The following NAV3 variants were observed in gnomAD, a reference collection of about 807,000 sequenced individuals.
NAV3 encodes pore membrane and/or filament interacting like protein 1.
In NAV3, 87 loss-of-function variants were observed where a neutral mutation model predicts 244.7. The observed-to-expected ratio is 0.36, with a 90% CI of 0.30 to 0.42. The LOEUF (loss-of-function observed/expected upper bound fraction) is 0.42. Ranked by LOEUF, NAV3 falls within the 20% of genes least tolerant of loss-of-function variation. The pLI is 1.00. For synonymous variants in NAV3, 1,126 were observed against 1,042.2 expected, an observed-to-expected ratio of 1.08 and a Z score of -1.55; for missense variants, 2,663 against 2,893.3, an observed-to-expected ratio of 0.92 and a Z score of 1.83.
upstream of NAV3, among the ~76,000 whole-genome samples, chr12:77,830,409 T>C (rs1297628737): frequency 6.6e-6 from 1 of 152,230 alleles, no homozygotes; most frequent in East Asian, 1.9e-4. Flanking sequence ...AAAATAAATA[T>C]GCCTATACTT....
At chr12:77,896,599 C>T (rs1035418342) in intron 1 of NAV3, among the ~76,000 whole-genome samples, 2 of 152,148 alleles carry the variant, frequency 1.3e-5, no homozygotes, top group African/African-American at 4.8e-5. Context: ...AAATATTTCT[C>T]TACTAAACAA....
At chr12:77,606,870 G>T (rs149493546) in intron 2 of NAV3, among the ~76,000 whole-genome samples, 1 of 152,058 alleles carries the variant, frequency 6.6e-6, no homozygotes, top group African/African-American at 2.4e-5. Flanking sequence ...AACCCACTTC[G>T]ATTGCATTCC....
chr12:77,888,366 A>G (rs964314817), intron 1 of NAV3, among the ~76,000 whole-genome samples: 1 of 152,108 alleles, frequency 6.6e-6, no homozygotes, highest in Non-Finnish European at 1.5e-5. Flanking sequence ...AGTCCCAGCT[A>G]CTGGGGAGGT....
chr12:77,647,178 G>A (rs1565751709), intron 2 of NAV3, among the ~76,000 whole-genome samples: 1 of 152,096 alleles, frequency 6.6e-6, no homozygotes, highest in Non-Finnish European at 1.5e-5. Flanking sequence ...CCATTAATAA[G>A]AGAATGGATG....
In NAV3 at chr12:78,205,352, G is replaced by A. The variant is rs192092238; in HGVS notation, c.7038+214G>A. Among the ~76,000 whole-genome samples, 283 of 152,132 alleles carry A rather than the reference G, an allele frequency of 1.9e-3. 5 individuals carry two copies. The highest frequency in any genetic ancestry group is 1.9e-3 in the Non-Finnish European group (131 of 67,978). On this transcript the variant is annotated intron_variant, in intron 39 of 39. Coordinates refer to ENST00000397909, the MANE Select transcript of NAV3 (RefSeq NM_001024383.2). ...AAGAAATCAAGAAATGCTACAACCA[G>A]AATGAACTCCTAGACTATAATGTTT...
chr12:77,869,273 G>A (rs1211372035), intron 1 of NAV3, among the ~76,000 whole-genome samples: 1 of 151,998 alleles, frequency 6.6e-6, no homozygotes, highest in Non-Finnish European at 1.5e-5. Context: ...ATAATATAAA[G>A]TTCTCGAGAG....
chr12:77,753,412 G>C (rs1243135244), intron 2 of NAV3, among the ~76,000 whole-genome samples: 5 of 152,188 alleles, frequency 3.3e-5, no homozygotes, highest in Middle Eastern at 3.4e-3. Context: ...AGTCAAAAGT[G>C]GGGCAGTAGC....
intron 12 of NAV3, among the ~76,000 whole-genome samples, chr12:78,067,299 G>A (rs1885130933): frequency 6.6e-6 from 1 of 152,034 alleles, no homozygotes; most frequent in East Asian, 1.9e-4. Flanking sequence ...AGGCTGAGAT[G>A]GAAAGAGACA....
chr12:77,726,428 T>C (rs1876882011), intron 2 of NAV3, among the ~76,000 whole-genome samples: 1 of 151,898 alleles, frequency 6.6e-6, no homozygotes, highest in Admixed American at 6.6e-5. Context: ...ATTTTAGTCA[T>C]TTATAAGACA....
intron 2 of NAV3, among the ~76,000 whole-genome samples, chr12:77,669,736 G>T (rs1873877661): frequency 6.6e-6 from 1 of 151,966 alleles, no homozygotes; most frequent in African/African-American, 2.4e-5. Flanking sequence ...TAAGATAAAT[G>T]GCAAACAATA....
intron 12 of NAV3, among the ~76,000 whole-genome samples, chr12:78,070,301 C>T (rs1952690517): frequency 6.6e-6 from 1 of 151,952 alleles, no homozygotes. Context: ...ATAATCAATG[C>T]CTTTTTGCAA....
chr12:78,118,342 T>C (rs747706622), intron 14 of NAV3, 45 bp downstream of exon 14: 2 of 1,543,896 alleles, frequency 1.3e-6, no homozygotes, highest in Non-Finnish European at 1.7e-6. Flanking sequence ...TGCTTTACTT[T>C]ATTGTTTCCA....
intron 2 of NAV3, among the ~76,000 whole-genome samples, chr12:77,611,990 A>G (rs1870936033): frequency 6.6e-6 from 1 of 152,022 alleles, no homozygotes; most frequent in Non-Finnish European, 1.5e-5. Context: ...ATTGTGCCAG[A>G]TATCTGGGGA....
intron 2 of NAV3, among the ~76,000 whole-genome samples, chr12:77,652,670 C>A (rs1872880571): frequency 6.6e-6 from 1 of 152,076 alleles, no homozygotes; most frequent in Non-Finnish European, 1.5e-5. Context: ...GTATAATAAT[C>A]CTTGATTTTG....
Position 78,118,089 on chromosome 12 carries a change from G to A in NAV3, c.2832G>A (p.Leu944=), listed in dbSNP as rs755311203. 12 of 1,613,946 alleles carry A rather than the reference G, an allele frequency of 7.4e-6. No homozygotes were observed. Among genetic ancestry groups the A allele is most frequent in the Non-Finnish European group, 1.0e-5 (12 of 1,180,008 alleles). The change falls in exon 14 of 40, where the codon CTG becomes CTA. Residue 944 remains leucine (L), a synonymous_variant. Coordinates refer to ENST00000397909, the MANE Select transcript of NAV3 (RefSeq NM_001024383.2). ...AGACCTGGGATAGTCCTGAGGAACT[G>A]AAAAAACCAGAAGAAGATTTTGACA... ...TDETWDSPEE[L]KKPEEDFDSH...
intron 3 of NAV3, among the ~76,000 whole-genome samples, chr12:77,957,954 C>T (rs76828740): frequency 0.019 from 2,938 of 152,250 alleles, 57 homozygotes; most frequent in Non-Finnish European, 0.027. Flanking sequence ...GCGTGAGCCA[C>T]GTGCCCTGCC....
At chr12:77,996,036 T>C (rs770063882) in intron 6 of NAV3, among the ~76,000 whole-genome samples, 1 of 152,170 alleles carries the variant, frequency 6.6e-6, no homozygotes, top group Non-Finnish European at 1.5e-5. Flanking sequence ...TATTTTTACA[T>C]TTGTTTTAAT....
In NAV3 at chr12:78,122,266, A is replaced by G. The variant is rs1955705182; in HGVS notation, c.4076A>G (p.Asp1359Gly). ...NMSSSSAGSKDTPSYQSMTSL... is the reference protein window; with the variant it reads ...NMSSSSAGSKGTPSYQSMTSL... ...AGCAGTTCCTCTGCAGGCAGCAAGG[A>G]TACTCCGAGCTACCAGTCCATGACT... The change falls in exon 16 of 40, where the codon GAT becomes GGT. Residue 1359 changes from aspartate to glycine, a missense_variant. Physicochemically the swap from Asp to Gly is moderately conservative, Grantham distance 94 (BLOSUM62 -1). Coordinates refer to ENST00000397909, the MANE Select transcript of NAV3 (RefSeq NM_001024383.2). 6.2e-7 allele frequency: 1 copy of G among 1,613,948 alleles called. No individual in the cohort carries two copies. The highest frequency in any genetic ancestry group is 1.3e-5 in the African/African-American group (1 of 74,894).
chr12:77,587,836 C>T (rs1869687723), intron 2 of NAV3, among the ~76,000 whole-genome samples: 1 of 152,056 alleles, frequency 6.6e-6, no homozygotes, highest in South Asian at 2.1e-4. Context: ...CAATGAAAAC[C>T]TTAGAGATTA....
Sources: gnomAD v4.1 joint callset for allele counts (sites outside exome capture counted in the v4.1 genomes callset) on GRCh38, gnomAD v4.1.1 for gene constraint, MANE v1.5 for transcripts, NCBI Gene and HGNC (gene_info 2026-07-23, HGNC 2026-07-21) for gene names.